SFSWAP: variants seen among roughly 807,000 people sequenced by gnomAD.
SFSWAP encodes the protein splicing factor SWAP, also known as splicing factor, suppressor of white-apricot homolog.
Under a neutral mutation model 100.7 loss-of-function variants are expected in SFSWAP, and 17 were observed. That is an observed-to-expected ratio of 0.17 (90% CI 0.12 to 0.25). The LOEUF (loss-of-function observed/expected upper bound fraction) is 0.25. Among genes scored for constraint, SFSWAP ranks in the 10% least tolerant of loss-of-function variants. The probability of loss-of-function intolerance (pLI) is 1.00; values close to 1 mark genes in which losing one functional copy is unlikely to be tolerated. For missense variants in SFSWAP, 1,005 were observed against 1,262.6 expected (o/e 0.80, Z 3.09); for synonymous variants, 504 against 510.1 (o/e 0.99, Z 0.16).
At chr12:131,774,378 A>G (rs925202818) in intron 13 of SFSWAP, among the ~76,000 whole-genome samples, 1 of 152,208 alleles carries the variant, frequency 6.6e-6, no homozygotes. Context: ...TCATGTGCTA[A>G]TTTTGTTGCC....
At chr12:131,789,666 C>T (rs1180938449) in intron 15 of SFSWAP, among the ~76,000 whole-genome samples, 1 of 151,444 alleles carries the variant, frequency 6.6e-6, no homozygotes. Flanking sequence ...TCCCCTCCCT[C>T]CCTCCTCCGT....
intron 7 of SFSWAP, among the ~76,000 whole-genome samples, chr12:131,732,292 C>T (rs920538059): frequency 1.3e-5 from 2 of 152,316 alleles, no homozygotes; most frequent in Non-Finnish European, 2.9e-5. Flanking sequence ...ACAGTGAGGG[C>T]AAGAGCAGCC....
intron 11 of SFSWAP, 32 bp downstream of exon 11, chr12:131,756,676 A>G: frequency 2.6e-6 from 4 of 1,535,950 alleles, no homozygotes; most frequent in South Asian, 1.3e-5. Context: ...GGCCTTGCAC[A>G]TTCCACCATA....
intron 7 of SFSWAP, among the ~76,000 whole-genome samples, chr12:131,741,218 G>T (rs77720672): frequency 6.6e-6 from 1 of 151,680 alleles, no homozygotes; most frequent in Non-Finnish European, 1.5e-5. Context: ...CACCTGCCTC[G>T]GCCCCTCAAA....
chr12:131,786,538 C>G lies in SFSWAP; in HGVS notation c.2484C>G (p.Ala828=), dbSNP rs1186608452. 1.2e-5 allele frequency: 19 copies of G among 1,587,420 alleles called. No homozygotes were observed. Among genetic ancestry groups the G allele is most frequent in the Non-Finnish European group, 1.6e-5 (19 of 1,167,968 alleles). The stretch of plus-strand genomic sequence containing the variant: ...GGGAAGAGAGGAGTGTGCCCACTGC[C>G]TACCGCGTGAGCCGCAGCCCTGGGG... The part of the protein sequence containing the change: ...RRREERSVPT[A]YRVSRSPGAS... The change falls in exon 15 of 18, where the codon GCC becomes GCG. Residue 828 remains alanine (A), a synonymous_variant. Transcript: ENST00000261674.
chr12:131,786,413 GTCCC>G, intron 14 of SFSWAP, 46 bp from the exon 15 acceptor site: 1 of 1,542,956 alleles, frequency 6.5e-7, no homozygotes, highest in Non-Finnish European at 8.7e-7. Context: ...AGCATGACAC[GTCCC>G]GCCAGCCAGG....
chr12:131,732,447 A>G (rs998956289), intron 7 of SFSWAP, among the ~76,000 whole-genome samples: 2 of 152,100 alleles, frequency 1.3e-5, no homozygotes, highest in Non-Finnish European at 1.5e-5. Context: ...TTGTGAATGT[A>G]GTGTATGAGG....
At chr12:131,753,438 A>G in intron 8 of SFSWAP, 75 bp downstream of exon 8, 1 of 1,507,532 alleles carries the variant, frequency 6.6e-7, no homozygotes, top group Non-Finnish European at 8.9e-7. Context: ...CTGTGTCTCC[A>G]TGGGGGGCTT....
At chr12:131,731,202 A>G (rs1441419217) in intron 7 of SFSWAP, among the ~76,000 whole-genome samples, 23 of 152,206 alleles carry the variant, frequency 1.5e-4, no homozygotes, top group Non-Finnish European at 2.9e-5. Context: ...GCTCAGCCTT[A>G]TGGGATGAGT....
intron 11 of SFSWAP, among the ~76,000 whole-genome samples, chr12:131,762,761 C>T (rs1882784478): frequency 6.6e-6 from 1 of 152,136 alleles, no homozygotes; most frequent in Non-Finnish European, 1.5e-5. Context: ...CCACCACACC[C>T]AGCTAATTTG....
chr12:131,788,493 T>C (rs757320029), intron 15 of SFSWAP, among the ~76,000 whole-genome samples: 12 of 152,036 alleles, frequency 7.9e-5, no homozygotes, highest in Non-Finnish European at 1.8e-4. Flanking sequence ...AGTCTATAAA[T>C]CCAGAATATG....
chr12:131,780,506 T>C (rs192376323), intron 14 of SFSWAP, among the ~76,000 whole-genome samples: 173 of 152,264 alleles, frequency 1.1e-3, no homozygotes, highest in African/African-American at 3.9e-3. Flanking sequence ...TTTTTTTTAA[T>C]TAGCCAGGCA....
chr12:131,771,530 G>C lies in SFSWAP; in HGVS notation c.2142+5222G>C, dbSNP rs187214021. ...TTTTATTTGCCCCCGTAGGGTGTGC[G>C]AACTATTTCTTCATGTCCCTGTCGG... On this transcript the variant is annotated intron_variant, in intron 13 of 17. Transcript: ENST00000261674. Among the ~76,000 whole-genome samples the C allele has an allele frequency of 2.0e-5, 3 of 152,046 alleles. No homozygotes were observed. In the South Asian group the frequency reaches 6.3e-4, roughly 32 times the overall value.
chr12:131,786,789 C>T (rs1884927678), intron 15 of SFSWAP, among the ~76,000 whole-genome samples: 2 of 151,772 alleles, frequency 1.3e-5, no homozygotes, highest in Admixed American at 6.6e-5. Flanking sequence ...GTCTGGTGGG[C>T]GGGGGTCACT....
At chr12:131,716,379 A>T (rs756633976) in intron 3 of SFSWAP, among the ~76,000 whole-genome samples, 6 of 152,222 alleles carry the variant, frequency 3.9e-5, no homozygotes. Flanking sequence ...GAAATGTTCT[A>T]TCAGGTCTAA....
chr12:131,763,344 C>CT (rs1434774166), intron 11 of SFSWAP, among the ~76,000 whole-genome samples: 1 of 152,184 alleles, frequency 6.6e-6, no homozygotes, highest in African/African-American at 2.4e-5. Flanking sequence ...TTAGCATCCC[C>CT]TTCATTGTGG....
intron 6 of SFSWAP, among the ~76,000 whole-genome samples, chr12:131,727,845 A>T (rs1285721396): frequency 1.3e-5 from 2 of 152,214 alleles, no homozygotes; most frequent in Admixed American, 1.3e-4. Flanking sequence ...CATTCGCGAC[A>T]TAAAAAACAG....
At chr12:131,723,059 G>T (rs1474455394) in intron 4 of SFSWAP, among the ~76,000 whole-genome samples, 1 of 152,212 alleles carries the variant, frequency 6.6e-6, no homozygotes, top group African/African-American at 2.4e-5. Flanking sequence ...TGAGGGTCAG[G>T]CCTGGGGTTC....
Position 131,798,949 on chromosome 12 carries a change from G to A in SFSWAP, c.2718-88G>A, listed in dbSNP as rs561690196. 220 of 899,100 alleles carry A rather than the reference G, an allele frequency of 2.4e-4. No individual in the cohort carries two copies. The African/African-American group carries it at 3.3e-3, about 14-fold the overall frequency. The allele number at this position is 899,100 out of a possible 1,614,324, so 55.7% of individuals were successfully genotyped here. A position where few individuals can be genotyped will look rare whatever the true frequency, so the allele number is the denominator to read the frequency against. ...GTGGGCACTTCTCAGTTCTAGAGTTGGGGTTCGGAGGTGGGGATGCTGTTC... is the reference window on the plus strand; with the variant it reads ...GTGGGCACTTCTCAGTTCTAGAGTTAGGGTTCGGAGGTGGGGATGCTGTTC... On this transcript the variant is annotated intron_variant, in intron 16 of 17. Transcript: ENST00000261674.
Sources: gnomAD v4.1 joint callset for allele counts (sites outside exome capture counted in the v4.1 genomes callset) on GRCh38, gnomAD v4.1.1 for gene constraint, MANE v1.5 for transcripts, NCBI Gene and HGNC (gene_info 2026-07-23, HGNC 2026-07-21) for gene names.